The following ZBTB37 variants were observed in gnomAD, a reference collection of about 807,000 sequenced individuals.
The protein encoded by ZBTB37 is zinc finger and BTB domain containing 37.
ZBTB37 carries 15 observed loss-of-function variants against 37.7 expected under a neutral mutation model. The ratio of observed to expected loss-of-function variants is 0.40; its 90% confidence interval spans 0.27 to 0.61. The LOEUF is 0.61. Among genes scored for constraint, ZBTB37 ranks in the 20% least tolerant of loss-of-function variants. ZBTB37 has a pLI of 0.44. For missense variants in ZBTB37, 514 were observed against 641.9 expected (o/e 0.80, Z 2.15); for synonymous variants, 231 against 220.6 (o/e 1.05, Z -0.42).
intron 4 of ZBTB37, 56 bp from the exon 5 acceptor site, chr1:173,885,580 A>G (rs1033761924): frequency 2.8e-5 from 38 of 1,379,100 alleles, no homozygotes; most frequent in Non-Finnish European, 3.7e-5. Context: ...ATTGCTTTTA[A>G]TATGTATGCT....
At chr1:173,872,881 C>T (rs1655669241) in intron 3 of ZBTB37, among the ~76,000 whole-genome samples, 1 of 151,942 alleles carries the variant, frequency 6.6e-6, no homozygotes, top group South Asian at 2.1e-4. Context: ...GTGGCACGCA[C>T]CTGTAGTCTC....
chr1:173,899,076 TAAGAC>T (rs1396044449), exon 4 of ZBTB37: 1 of 152,178 alleles, frequency 6.6e-6, no homozygotes, highest in African/African-American at 2.4e-5. Context: ...TTCCAAATAA[TAAGAC>T]AAGCATTACT....
exon 3 of ZBTB37, chr1:173,870,707 G>T (rs770244691): frequency 2.5e-6 from 4 of 1,614,120 alleles, no homozygotes; most frequent in African/African-American, 1.3e-5. Context: ...AATCTCAACC[G>T]CTCCCTTAGC....
At chr1:173,900,962 T>C (rs1004716102) in exon 4 of ZBTB37, 2 of 152,182 alleles carry the variant, frequency 1.3e-5, no homozygotes, top group Non-Finnish European at 2.9e-5. Flanking sequence ...GATTTTAAGA[T>C]TTTATGGGGA....
At chr1:173,872,707 C>A (rs1314601271) in intron 3 of ZBTB37, among the ~76,000 whole-genome samples, 1 of 151,930 alleles carries the variant, frequency 6.6e-6, no homozygotes, top group East Asian at 1.9e-4. Context: ...TTAAAAAAAA[C>A]TATCAGAAGT....
At chr1:173,898,096 C>T (rs1657117689) in exon 4 of ZBTB37, 1 of 152,050 alleles carries the variant, frequency 6.6e-6, no homozygotes, top group Admixed American at 6.6e-5. Flanking sequence ...TTGTTTGAAT[C>T]CCCAACTTCT....
exon 5 of ZBTB37, chr1:173,885,916 G>A: frequency 6.4e-7 from 1 of 1,551,836 alleles, no homozygotes; most frequent in Non-Finnish European, 8.7e-7. Flanking sequence ...CATGTCTGTG[G>A]CAAAAGTTTC....
chr1:173,893,029 A>T (rs189833493), exon 4 of ZBTB37: 9 of 152,240 alleles, frequency 5.9e-5, no homozygotes, highest in Admixed American at 5.9e-4. Context: ...CAGCCTCCCA[A>T]ATAGCTGAGA....
At chr1:173,879,977 A>G (rs914622543) in intron 4 of ZBTB37, among the ~76,000 whole-genome samples, 11 of 152,154 alleles carry the variant, frequency 7.2e-5, no homozygotes, top group African/African-American at 9.7e-5. Flanking sequence ...AGACCAGCAC[A>G]TTATATTTAC....
At chr1:173,886,231 C>G in exon 5 of ZBTB37, 1 of 1,445,754 alleles carries the variant, frequency 6.9e-7, no homozygotes, top group Non-Finnish European at 9.1e-7. Flanking sequence ...ATCACTAGGC[C>G]AGAAGATGCT....
chr1:173,884,852 T>C (rs1656534890), intron 4 of ZBTB37, among the ~76,000 whole-genome samples: 2 of 152,236 alleles, frequency 1.3e-5, no homozygotes, highest in Admixed American at 1.3e-4. Flanking sequence ...TAAAAATTAC[T>C]CAGTTGTATT....
In ZBTB37 at chr1:173,886,158, C is replaced by A. The variant is rs942920031; in HGVS notation, c.*34C>A. 1.4e-5 allele frequency: 21 copies of A among 1,529,656 alleles called. No individual in the cohort carries two copies. The African/African-American group carries it at 2.5e-4, about 18-fold the overall frequency. The allele number at this position is 1,529,656 out of a possible 1,614,324, so 94.8% of individuals were successfully genotyped here. ...GGGGGAGGGGGCTGACCCTCTTCCC[C>A]TATGAGCCATAAGCAGCCAGCATCA... On this transcript the variant is annotated 3_prime_UTR_variant, in exon 5 of 5. Coordinates refer to ENST00000427304, the Ensembl canonical transcript of ZBTB37.
At chr1:173,872,113 G>C (rs895716256) in intron 3 of ZBTB37, among the ~76,000 whole-genome samples, 12 of 152,148 alleles carry the variant, frequency 7.9e-5, no homozygotes, top group African/African-American at 2.9e-4. Context: ...GTGTCGTCCA[G>C]GCTGGAGTGC....
At chr1:173,887,553 A>G (rs1217103812), downstream of ZBTB37, 3 of 152,224 alleles carry the variant, frequency 2.0e-5, no homozygotes, top group Admixed American at 2.0e-4. Flanking sequence ...TCCAGCACTG[A>G]GAGAAAGAAC....
At chr1:173,873,605 A>T in intron 4 of ZBTB37, 39 bp downstream of exon 4, 1 of 1,612,890 alleles carries the variant, frequency 6.2e-7, no homozygotes, top group Non-Finnish European at 8.5e-7. Flanking sequence ...TGGTGGTTGG[A>T]GGAATTGCTA....
At chr1:173,870,221 C>A in exon 3 of ZBTB37, 1 of 1,600,702 alleles carries the variant, frequency 6.2e-7, no homozygotes, top group Non-Finnish European at 8.5e-7. Flanking sequence ...CCCTCAGGCA[C>A]GACCATGGAG....
At chr1:173,880,388 G>A (rs773527540) in intron 4 of ZBTB37, among the ~76,000 whole-genome samples, 12 of 152,122 alleles carry the variant, frequency 7.9e-5, no homozygotes, top group Non-Finnish European at 1.5e-4. Flanking sequence ...TTGGGTCTGC[G>A]GTTAGTAACT....
intron 4 of ZBTB37, among the ~76,000 whole-genome samples, chr1:173,877,855 G>T (rs536566386): frequency 6.6e-6 from 1 of 152,306 alleles, no homozygotes; most frequent in Non-Finnish European, 1.5e-5. Context: ...AATATTGATA[G>T]ATTTGAAGAA....
At chr1:173,872,144 C>T (rs918779545) in intron 3 of ZBTB37, among the ~76,000 whole-genome samples, 1 of 152,174 alleles carries the variant, frequency 6.6e-6, no homozygotes, top group Non-Finnish European at 1.5e-5. Context: ...TCTCGGCTCA[C>T]TGCAAGCTCT....
Sources: allele counts gnomAD v4.1 joint callset (sites outside exome capture counted in the v4.1 genomes callset), GRCh38; gene constraint gnomAD v4.1.1; transcripts MANE v1.5; gene names NCBI Gene and HGNC (gene_info 2026-07-23, HGNC 2026-07-21).